ATP8A1: variants seen among roughly 807,000 people sequenced by gnomAD.
ATP8A1 encodes the protein phospholipid-transporting ATPase IA.
In ATP8A1, 90 loss-of-function variants were observed where a neutral mutation model predicts 177.7. That is an observed-to-expected ratio of 0.51 (90% confidence interval 0.43 to 0.60). The LOEUF is 0.60. Among genes scored for constraint, ATP8A1 ranks in the 20% least tolerant of loss-of-function variants. ATP8A1 has a pLI of 0.00. For missense variants in ATP8A1, 1,072 were observed against 1,392.8 expected (o/e 0.77, Z 3.67); for synonymous variants, 493 against 485.9 (o/e 1.01, Z -0.19).
At chr4:42,584,968 C>T (rs575234547) in intron 9 of ATP8A1, among the ~76,000 whole-genome samples, 1 of 152,200 alleles carries the variant, frequency 6.6e-6, no homozygotes, top group African/African-American at 2.4e-5. Flanking sequence ...TTCTCTAGGC[C>T]CTTCTTCTAT....
chr4:42,541,048 C>T (rs888985917), intron 20 of ATP8A1, among the ~76,000 whole-genome samples: 6 of 152,006 alleles, frequency 3.9e-5, no homozygotes, highest in Non-Finnish European at 7.4e-5. Context: ...ATCACTTGAG[C>T]CCAGGAATCT....
intron 35 of ATP8A1, among the ~76,000 whole-genome samples, chr4:42,420,114 A>G (rs1321124402): frequency 6.6e-6 from 1 of 152,166 alleles, no homozygotes; most frequent in Non-Finnish European, 1.5e-5. Flanking sequence ...TCAATCCAAC[A>G]ATTCTTTAAC....
At chr4:42,462,546 G>A (rs377282873) in intron 27 of ATP8A1, among the ~76,000 whole-genome samples, 4 of 152,274 alleles carry the variant, frequency 2.6e-5, no homozygotes, top group African/African-American at 9.6e-5. Context: ...GATTTCTGAA[G>A]ATGTATGGAA....
At chr4:42,571,355 G>A (rs1396155430) in intron 14 of ATP8A1, among the ~76,000 whole-genome samples, 2 of 151,904 alleles carry the variant, frequency 1.3e-5, no homozygotes, top group Admixed American at 1.3e-4. Context: ...TTTTTAATAC[G>A]AATTAAATGC....
chr4:42,597,340 C>G (rs1734819027), intron 6 of ATP8A1, among the ~76,000 whole-genome samples: 2 of 152,154 alleles, frequency 1.3e-5, no homozygotes. Context: ...TCTTGTTATC[C>G]CAACAAGTAA....
intron 20 of ATP8A1, among the ~76,000 whole-genome samples, chr4:42,541,299 T>G (rs981318433): frequency 6.6e-6 from 1 of 152,146 alleles, no homozygotes. Context: ...TTCAGGGAAC[T>G]GGAAATTAAG....
intron 24 of ATP8A1, among the ~76,000 whole-genome samples, chr4:42,500,121 T>C (rs1405302512): frequency 1.3e-5 from 2 of 152,128 alleles, no homozygotes; most frequent in Non-Finnish European, 2.9e-5. Context: ...TCCCAACACT[T>C]TGGGAGGCCG....
At chr4:42,544,752 G>A (rs1036661439) in intron 19 of ATP8A1, among the ~76,000 whole-genome samples, 25 of 152,160 alleles carry the variant, frequency 1.6e-4, no homozygotes, top group African/African-American at 6.0e-4. Context: ...CTACTCAAAT[G>A]TCTGTATCTA....
chr4:42,513,282 AT>A (rs1560409074), intron 22 of ATP8A1, among the ~76,000 whole-genome samples: 1 of 152,194 alleles, frequency 6.6e-6, no homozygotes, highest in African/African-American at 2.4e-5. Context: ...GATTATCATT[AT>A]TAGAGAAACA....
chr4:42,507,654 G>T (rs1724512725), intron 22 of ATP8A1, among the ~76,000 whole-genome samples: 2 of 148,800 alleles, frequency 1.3e-5, no homozygotes, highest in African/African-American at 4.9e-5. Flanking sequence ...TCTTGAACTG[G>T]GGAGGCAGGG....
intron 19 of ATP8A1, among the ~76,000 whole-genome samples, chr4:42,545,679 G>T (rs1728834748): frequency 6.6e-6 from 1 of 152,084 alleles, no homozygotes; most frequent in African/African-American, 2.4e-5. Context: ...CCTCAGATAA[G>T]AAATCCCTTT....
chr4:42,640,634 T>C (rs1739879032), intron 1 of ATP8A1, among the ~76,000 whole-genome samples: 1 of 152,222 alleles, frequency 6.6e-6, no homozygotes, highest in African/African-American at 2.4e-5. Context: ...TATGAAACAA[T>C]GTGGATTCAC....
At chr4:42,646,819 T>C (rs1348230139) in intron 1 of ATP8A1, among the ~76,000 whole-genome samples, 1 of 152,208 alleles carries the variant, frequency 6.6e-6, no homozygotes, top group East Asian at 1.9e-4. Flanking sequence ...AGGCTCAATT[T>C]AAAACAGACA....
intron 1 of ATP8A1, among the ~76,000 whole-genome samples, chr4:42,635,782 C>CATAT (rs764452182): frequency 0.021 from 1,075 of 51,940 alleles, 59 homozygotes; most frequent in Admixed American, 0.075. Flanking sequence ...CACACACACA[C>CATAT]ATATATATAT....
chr4:42,656,939 G>A lies in ATP8A1; in HGVS notation c.-66C>T, dbSNP rs1157117946. The A allele has an allele frequency of 7.0e-6, 10 of 1,425,438 alleles. No individual in the cohort carries two copies. Among genetic ancestry groups the A allele is most frequent in the Middle Eastern group, 2.0e-4 (1 of 5,036 alleles). The allele number at this position is 1,425,438 out of a possible 1,614,324, so 88.3% of individuals were successfully genotyped here. On this transcript the variant is annotated 5_prime_UTR_variant, in exon 1 of 37. Coordinates refer to ENST00000381668, the MANE Select transcript of ATP8A1 (RefSeq NM_006095.2). ...CACCTGTCACGGCGTGGTACACGCG[G>A]GAGACCCGGCTGCGCCGCGCAGAGC...
chr4:42,444,072 C>T (rs1716944046), intron 32 of ATP8A1, among the ~76,000 whole-genome samples: 1 of 152,162 alleles, frequency 6.6e-6, no homozygotes, highest in African/African-American at 2.4e-5. Flanking sequence ...GGCAATCTTT[C>T]CCAGGGACAT....
intron 24 of ATP8A1, among the ~76,000 whole-genome samples, chr4:42,488,946 A>G (rs1349582444): frequency 6.6e-6 from 1 of 152,222 alleles, no homozygotes; most frequent in Non-Finnish European, 1.5e-5. Context: ...TTATTGAATG[A>G]GAGCATTGAT....
intron 1 of ATP8A1, among the ~76,000 whole-genome samples, chr4:42,633,651 T>C (rs778878603): frequency 5.3e-5 from 8 of 152,174 alleles, no homozygotes; most frequent in Non-Finnish European, 1.0e-4. Flanking sequence ...ATGCATATAA[T>C]AGAACTAATA....
At chr4:42,471,381 G>A (rs1045249874) in intron 25 of ATP8A1, among the ~76,000 whole-genome samples, 5 of 152,028 alleles carry the variant, frequency 3.3e-5, no homozygotes, top group African/African-American at 9.7e-5. Context: ...CCTTTCCATA[G>A]GACAAAAAAG....
Sources: allele counts gnomAD v4.1 joint callset (sites outside exome capture counted in the v4.1 genomes callset), GRCh38; gene constraint gnomAD v4.1.1; transcripts MANE v1.5; gene names NCBI Gene and HGNC (gene_info 2026-07-23, HGNC 2026-07-21).